The following SEC63 variants were observed in gnomAD, a reference collection of about 807,000 sequenced individuals.
SEC63 encodes translocation protein SEC63 homolog.
Under a neutral mutation model 116.2 loss-of-function variants are expected in SEC63, and 56 were observed. That is an observed-to-expected ratio of 0.48 (90% CI 0.39 to 0.60). The LOEUF is 0.60. Among genes scored for constraint, SEC63 ranks in the 20% least tolerant of loss-of-function variants. SEC63 has a pLI of 0.00. For synonymous variants in SEC63, 273 were observed against 294.6 expected (o/e 0.93, Z 0.75); for missense variants, 668 against 900.0 (o/e 0.74, Z 3.30).
chr6:107,900,305 T>A (rs545937850), intron 13 of SEC63, among the ~76,000 whole-genome samples: 190 of 152,142 alleles, frequency 1.2e-3, no homozygotes, highest in African/African-American at 4.4e-3. Flanking sequence ...CCAGCCCTTA[T>A]CTTATTTTTA....
Position 107,867,957 on chromosome 6 carries a change from A to G in SEC63, c.*3747T>C, listed in dbSNP as rs1416062707. On this transcript the variant is annotated 3_prime_UTR_variant, in exon 21 of 21. Transcript: ENST00000369002. ...CCCCCACCTGAAACAATAGCCCTAA[A>G]GTATGTCAATGATTGTTATTTGGGT... The G allele has an allele frequency of 6.6e-6, 1 of 152,184 alleles. No individual in the cohort carries two copies. Among genetic ancestry groups the G allele is most frequent in the Non-Finnish European group, 1.5e-5 (1 of 68,038 alleles). 9.4% of individuals were successfully genotyped at this position (152,184 alleles called of 1,614,324 possible).
chr6:107,933,719 C>T (rs532244382), intron 1 of SEC63, among the ~76,000 whole-genome samples: 29 of 148,740 alleles, frequency 1.9e-4, no homozygotes, highest in African/African-American at 6.7e-4. Flanking sequence ...CCTCTCCCCA[C>T]GGCCCACGGT....
intron 1 of SEC63, chr6:107,954,706 G>C (rs1770673383): frequency 6.6e-6 from 1 of 152,114 alleles, no homozygotes; most frequent in Admixed American, 6.5e-5. Flanking sequence ...TCCTTATTCA[G>C]AGCTTTGAAT....
At chr6:107,934,648 C>A (rs1416757518) in intron 1 of SEC63, among the ~76,000 whole-genome samples, 1 of 136,932 alleles carries the variant, frequency 7.3e-6, no homozygotes, top group Non-Finnish European at 1.6e-5. Flanking sequence ...GCCAGGCCAG[C>A]CACCCCGTCC....
intron 16 of SEC63, among the ~76,000 whole-genome samples, chr6:107,885,937 C>T (rs1464722501): frequency 6.6e-6 from 1 of 151,968 alleles, no homozygotes; most frequent in Non-Finnish European, 1.5e-5. Context: ...TATACACATG[C>T]CATGGTGGTT....
chr6:107,884,971 G>A lies in SEC63; in HGVS notation c.1675-1825C>T, dbSNP rs1272863181. ...TTAATGAAATTCACTATCTGCTAGT[G>A]ATAAAAATTGTCAGCAAACTGGAAA... On this transcript the variant is annotated intron_variant, in intron 16 of 20. Coordinates refer to ENST00000369002, the MANE Select transcript of SEC63 (RefSeq NM_007214.5). Among the ~76,000 whole-genome samples, 6 of 150,912 alleles carry A rather than the reference G, an allele frequency of 4.0e-5. No individual in the cohort carries two copies. The East Asian group carries it at 1.2e-3, about 29-fold the overall frequency.
chr6:107,938,008 T>C lies in SEC63; in HGVS notation c.125-8494A>G, dbSNP rs181638643. ...CTGTTTACTCTGTTGATAGTTTCTT[T>C]TGCTGTGCAGAATCTTTTAGTTTAA... On this transcript the variant is annotated intron_variant, in intron 1 of 20. Coordinates refer to ENST00000369002, the MANE Select transcript of SEC63 (RefSeq NM_007214.5). Among the ~76,000 whole-genome samples the C allele has an allele frequency of 1.5e-4, 23 of 152,098 alleles. No homozygotes were observed. The East Asian group carries it at 4.2e-3, about 28-fold the overall frequency.
At position 107,868,758 on chromosome 6, in the gene SEC63, G is replaced by A. The variant is rs748298477; in HGVS notation, c.*2946C>T. 6.6e-6 allele frequency: 1 copy of A among 151,682 alleles called. No homozygotes were observed. Among genetic ancestry groups the A allele is most frequent in the East Asian group, 1.9e-4 (1 of 5,186 alleles). 9.4% of individuals were successfully genotyped at this position (151,682 alleles called of 1,614,324 possible). A position where few individuals can be genotyped will look rare whatever the true frequency, so the allele number is the denominator to read the frequency against. ...CTCATCTACCTGCTCTAACACCAGC[G>A]AGTGAGTTCTTAACACTATTTTTTT... On this transcript the variant is annotated 3_prime_UTR_variant, in exon 21 of 21. Transcript: ENST00000369002.
intron 3 of SEC63, among the ~76,000 whole-genome samples, chr6:107,922,979 C>T (rs948438852): frequency 6.0e-5 from 9 of 151,220 alleles, no homozygotes; most frequent in African/African-American, 2.2e-4. Flanking sequence ...ACAAATTATC[C>T]AGGCCTCATT....
At chr6:107,872,756 A>T in intron 20 of SEC63, 52 bp downstream of exon 20, 1 of 1,074,740 alleles carries the variant, frequency 9.3e-7, no homozygotes, top group Non-Finnish European at 1.4e-6. Context: ...TTCCTAGTAT[A>T]TTAAACATTT....
chr6:107,874,792 C>G (rs1236380606), intron 19 of SEC63, among the ~76,000 whole-genome samples: 1 of 152,012 alleles, frequency 6.6e-6, no homozygotes, highest in Non-Finnish European at 1.5e-5. Context: ...CCTCCTGCCT[C>G]AGCCTCCTGA....
chr6:107,945,899 G>A (rs949534030), intron 1 of SEC63, among the ~76,000 whole-genome samples: 4 of 151,978 alleles, frequency 2.6e-5, no homozygotes, highest in South Asian at 2.1e-4. Flanking sequence ...TTTACATAAT[G>A]CAGGCGGTTT....
intron 1 of SEC63, among the ~76,000 whole-genome samples, chr6:107,948,185 C>A (rs1770514178): frequency 1.3e-5 from 2 of 152,144 alleles, no homozygotes. Flanking sequence ...TTCCTATGTG[C>A]TCCCAAAGCA....
At chr6:107,926,100 G>A (rs917837901) in intron 2 of SEC63, among the ~76,000 whole-genome samples, 1 of 152,084 alleles carries the variant, frequency 6.6e-6, no homozygotes, top group African/African-American at 2.4e-5. Flanking sequence ...TTACAGGGGT[G>A]AGCGACTGCG....
At chr6:107,908,637 T>C (rs555288312) in intron 8 of SEC63, among the ~76,000 whole-genome samples, 1 of 152,280 alleles carries the variant, frequency 6.6e-6, no homozygotes, top group East Asian at 1.9e-4. Flanking sequence ...ACTAGCAGTG[T>C]CTGGCATACA....
chr6:107,935,021 AC>A, intron 1 of SEC63, among the ~76,000 whole-genome samples: 1 of 117,334 alleles, frequency 8.5e-6, no homozygotes, highest in East Asian at 2.8e-4. Context: ...CCGGCCAGCC[AC>A]CCCGTCCGGG....
chr6:107,921,130 CTT>C (rs1787546199), intron 4 of SEC63, among the ~76,000 whole-genome samples: 1 of 151,798 alleles, frequency 6.6e-6, no homozygotes, highest in Admixed American at 6.6e-5. Context: ...CCAAATTAAA[CTT>C]GTCTTTAAAT....
intron 6 of SEC63, 73 bp downstream of exon 6, chr6:107,912,640 GTAT>G: frequency 2.4e-6 from 2 of 827,020 alleles, no homozygotes; most frequent in Non-Finnish European, 4.2e-6. Flanking sequence ...AGTTCTTCTT[GTAT>G]TACCAAGACA....
intron 8 of SEC63, among the ~76,000 whole-genome samples, chr6:107,908,712 G>A (rs937471714): frequency 6.6e-6 from 1 of 152,160 alleles, no homozygotes; most frequent in Non-Finnish European, 1.5e-5. Context: ...TAAAATTTCT[G>A]ATGAAATATA....
Sources: allele counts gnomAD v4.1 joint callset (sites outside exome capture counted in the v4.1 genomes callset), GRCh38; gene constraint gnomAD v4.1.1; transcripts MANE v1.5; gene names NCBI Gene and HGNC (gene_info 2026-07-23, HGNC 2026-07-21).